The following SVEP1 variants were observed in gnomAD, a reference collection of about 807,000 sequenced individuals.
The protein encoded by SVEP1 is sushi, von Willebrand factor type A, EGF and pentraxin domain containing 1.
Under a neutral mutation model 367.3 loss-of-function variants are expected in SVEP1, and 164 were observed. The observed-to-expected ratio is 0.45, with a 90% CI of 0.39 to 0.51. The LOEUF is 0.51. Among genes scored for constraint, SVEP1 ranks in the 20% least tolerant of loss-of-function variants. The pLI, the probability that SVEP1 is intolerant of heterozygous loss-of-function variation, is 0.00. For missense variants in SVEP1, 4,117 were observed against 4,425.3 expected, an observed-to-expected ratio of 0.93 and a Z score of 1.98; for synonymous variants, 1,666 against 1,611.6, an observed-to-expected ratio of 1.03 and a Z score of -0.81.
intron 27 of SVEP1, 166 bp downstream of exon 27, chr9:110,443,379 G>C (rs1453475022): frequency 5.0e-6 from 3 of 594,562 alleles, no homozygotes; most frequent in Non-Finnish European, 7.7e-6. Context: ...TAGGAAAAAA[G>C]CTTCTAATAA....
chr9:110,400,804 A>C, intron 40 of SVEP1, 50 bp downstream of exon 40: 4 of 1,549,870 alleles, frequency 2.6e-6, no homozygotes, highest in Non-Finnish European at 3.5e-6. Flanking sequence ...AGTATCCCCA[A>C]GTATATTGGA....
intron 45 of SVEP1, chr9:110,376,961 CT>C (rs2118946968): frequency 4.3e-6 from 1 of 234,234 alleles, no homozygotes; most frequent in East Asian, 8.2e-5. Flanking sequence ...CATAGTAGAC[CT>C]TGAGTTAAGG....
Position 110,406,636 on chromosome 9 carries a change from C to A in SVEP1, c.8964G>T (p.Arg2988Ser), listed in dbSNP as rs745621983. The A allele has an allele frequency of 1.2e-6, 2 of 1,613,948 alleles. No homozygotes were observed. The highest frequency in any genetic ancestry group is 1.7e-5 in the Admixed American group (1 of 60,014). Residue 2988 changes from arginine (R) to serine (S), a missense_variant, in exon 38 of 48, where the codon AGG becomes AGT. Coordinates refer to ENST00000374469, the MANE Select transcript of SVEP1 (RefSeq NM_153366.4). ...GYKLHGNSSR[R>S]CLSNGSWSGS... ...CACTCCAGGAGCCATTGGAGAGGCA[C>A]CTTCTTGATGAATTTCCATGGAGCT...
At chr9:110,571,925 TAC>T (rs916604134) in intron 1 of SVEP1, among the ~76,000 whole-genome samples, 1 of 152,162 alleles carries the variant, frequency 6.6e-6, no homozygotes, top group Non-Finnish European at 1.5e-5. Context: ...GATTAAATTA[TAC>T]ACACACATAC....
intron 23 of SVEP1, among the ~76,000 whole-genome samples, chr9:110,450,684 G>A (rs988001077): frequency 2.6e-5 from 4 of 151,200 alleles, no homozygotes; most frequent in South Asian, 2.1e-4. Flanking sequence ...CATGTTGGCC[G>A]AGGTGGTCTT....
In SVEP1 at chr9:110,406,900, C is replaced by A; in HGVS notation, c.8700G>T (p.Gly2900=). The A allele has an allele frequency of 6.2e-7, 1 of 1,613,918 alleles. No individual in the cohort carries two copies. Among genetic ancestry groups the A allele is most frequent in the Non-Finnish European group, 8.5e-7 (1 of 1,179,882 alleles). Residue 2900 remains glycine (G), a synonymous_variant, in exon 38 of 48, where the codon GGG becomes GGT. Transcript: ENST00000374469. The part of the protein sequence containing the change: ...RCATPPQLAN[G]VTEGLDYGFM... ...AGCCATAGTCCAGGCCTTCCGTCAC[C>A]CCATTGGCCAGTTGTGGCGGGGTGG...
chr9:110,565,759 A>G (rs965069903), intron 1 of SVEP1, among the ~76,000 whole-genome samples: 1 of 151,888 alleles, frequency 6.6e-6, no homozygotes, highest in African/African-American at 2.4e-5. Context: ...TCATGGACAT[A>G]CCCAAGTCCC....
Position 110,408,474 on chromosome 9 carries a change from A to T in SVEP1, c.7126T>A (p.Cys2376Ser), listed in dbSNP as rs1220280328. The T allele has an allele frequency of 1.2e-6, 2 of 1,614,000 alleles. No individual in the cohort carries two copies. Residue 2376 changes from cysteine (C) to serine (S), a missense_variant, in exon 38 of 48, where the codon TGT (cysteine) becomes AGT (serine). Coordinates refer to ENST00000374469, the MANE Select transcript of SVEP1 (RefSeq NM_153366.4). Reference protein sequence around the residue: ...SQQWNDSFPVCKIVLCTPPPL... With the variant: ...SQQWNDSFPVSKIVLCTPPPL... ...GGTGGGGTACAAAGAACAATCTTAC[A>T]AACAGGGAAAGAGTCATTCCATTGC...
rs61053064 is a variant in SVEP1, at chr9:110,369,330, A to G, written c.10694+593T>C. ...TCAGAAATAAGAAACCGATGAAAAAACATATTTTTACATAATCTTTTTGTA... is the reference window on the plus strand; with the variant it reads ...TCAGAAATAAGAAACCGATGAAAAAGCATATTTTTACATAATCTTTTTGTA... On this transcript the variant is annotated intron_variant, in intron 47 of 47. Transcript: ENST00000374469. Among the ~76,000 whole-genome samples, 1,091 of 152,302 alleles carry G rather than the reference A, an allele frequency of 7.2e-3. 9 individuals carry two copies. Among genetic ancestry groups the G allele is most frequent in the African/African-American group, 0.025 (1,043 of 41,570 alleles).
At chr9:110,441,541 G>T (rs1359726703) in intron 27 of SVEP1, among the ~76,000 whole-genome samples, 2 of 152,206 alleles carry the variant, frequency 1.3e-5, no homozygotes, top group Admixed American at 1.3e-4. Context: ...TTACTGGCTG[G>T]ATTGGCGCTT....
At chr9:110,397,790 G>A (rs1025787084) in intron 40 of SVEP1, among the ~76,000 whole-genome samples, 58 of 152,164 alleles carry the variant, frequency 3.8e-4, no homozygotes, top group African/African-American at 1.3e-3. Flanking sequence ...TACAAGGGAT[G>A]TGAAGGGCCT....
At chr9:110,385,852 A>T (rs1043634000) in intron 43 of SVEP1, 46 bp downstream of exon 43, 1 of 1,575,934 alleles carries the variant, frequency 6.3e-7, no homozygotes, top group African/African-American at 1.4e-5. Flanking sequence ...GGATGGGAAA[A>T]CATTTCGCAC....
intron 36 of SVEP1, among the ~76,000 whole-genome samples, chr9:110,416,319 A>G (rs1165456461): frequency 1.3e-5 from 2 of 152,008 alleles, no homozygotes. Flanking sequence ...ACTATGAAAA[A>G]ATGTTTGAAA....
At chr9:110,514,170 A>G (rs552419729) in intron 3 of SVEP1, 64 bp from the exon 4 acceptor site, 353 of 1,554,902 alleles carry the variant, frequency 2.3e-4, no homozygotes, top group Admixed American at 7.9e-4. Context: ...TTAACAAAAC[A>G]TTTGAAATTA....
At chr9:110,432,801 A>G (rs1828371665) in intron 30 of SVEP1, among the ~76,000 whole-genome samples, 166 bp from the exon 31 acceptor site, 1 of 152,242 alleles carries the variant, frequency 6.6e-6, no homozygotes, top group African/African-American at 2.4e-5. Flanking sequence ...CTCAGCGTCT[A>G]GCACATTGCC....
At chr9:110,416,135 T>C (rs1284929881) in intron 36 of SVEP1, among the ~76,000 whole-genome samples, 1 of 151,946 alleles carries the variant, frequency 6.6e-6, no homozygotes, top group Non-Finnish European at 1.5e-5. Context: ...TCTGAATTTA[T>C]AACACACACA....
intron 3 of SVEP1, among the ~76,000 whole-genome samples, chr9:110,536,701 CT>C (rs1303746269): frequency 1.3e-5 from 2 of 151,604 alleles, no homozygotes; most frequent in Admixed American, 6.6e-5. Flanking sequence ...AGAAGCTTTT[CT>C]TTTTTTTATT....
chr9:110,560,857 T>C (rs1022029765), intron 1 of SVEP1, among the ~76,000 whole-genome samples: 1 of 152,206 alleles, frequency 6.6e-6, no homozygotes, highest in African/African-American at 2.4e-5. Context: ...GTCTGGCTTC[T>C]TGAAAATCAA....
chr9:110,499,246 A>G lies in SVEP1; in HGVS notation c.1484-8T>C. The stretch of plus-strand genomic sequence containing the variant: ...AGGTGGAACAGTGGCGCTCTACGGT[A>G]GGGAAACAGAGAGAATGTTATTTGT... On this transcript the variant is annotated splice_polypyrimidine_tract_variant and splice_region_variant and intron_variant, in intron 6 of 47. Coordinates refer to ENST00000374469, the MANE Select transcript of SVEP1 (RefSeq NM_153366.4). 1 of 1,598,694 alleles carries G rather than the reference A, an allele frequency of 6.3e-7. No homozygotes were observed.
Sources: allele counts gnomAD v4.1 joint callset (sites outside exome capture counted in the v4.1 genomes callset), GRCh38; gene constraint gnomAD v4.1.1; transcripts MANE v1.5; gene names NCBI Gene and HGNC (gene_info 2026-07-23, HGNC 2026-07-21).